The following FRAS1 variants were observed in gnomAD, a reference collection of about 807,000 sequenced individuals.
FRAS1 encodes the protein Fraser extracellular matrix complex subunit 1.
Under a neutral mutation model 435.2 loss-of-function variants are expected in FRAS1, and 290 were observed. That is an observed-to-expected ratio of 0.67 (90% confidence interval 0.61 to 0.73). FRAS1 has a LOEUF of 0.73. Ranked by LOEUF, FRAS1 falls within the 30% of genes least tolerant of loss-of-function variation. FRAS1 has a pLI of 0.00. For synonymous variants in FRAS1, 1,800 were observed against 1,851.0 expected (o/e 0.97, Z 0.71); for missense variants, 4,860 against 5,001.5 (o/e 0.97, Z 0.85).
Position 78,540,938 on chromosome 4 carries a change from G to A in FRAS1, c.11853G>A (p.Lys3951=), listed in dbSNP as rs756751640. Residue 3951 remains lysine, a synonymous_variant, in exon 74 of 74, where the codon AAG becomes AAA. Transcript: ENST00000512123. ...DILEEYPLNT[K]VEVPKRHPDR... is the part of the protein sequence containing the mutation. ...TGGAAGAATATCCTCTGAATACCAA[G>A]GTAGAAGTGCCCAAGAGGCACCCGG... The A allele has an allele frequency of 1.2e-6, 2 of 1,613,874 alleles. No homozygotes were observed. The highest frequency in any genetic ancestry group is 1.7e-6 in the Non-Finnish European group (2 of 1,179,910).
chr4:78,057,950 G>T lies in FRAS1; in HGVS notation c.-60G>T. The T allele has an allele frequency of 6.5e-7, 1 of 1,547,794 alleles. No homozygotes were observed. Among genetic ancestry groups the T allele is most frequent in the South Asian group, 1.1e-5 (1 of 88,836 alleles). The stretch of plus-strand genomic sequence containing the variant: ...TCCAAGCGCCGGAGCCAGCGTTTTG[G>T]CGGAGCCGCTTCTTGGATGCTGAAG... On this transcript the variant is annotated 5_prime_UTR_variant, in exon 1 of 74. Coordinates refer to ENST00000512123, the MANE Select transcript of FRAS1 (RefSeq NM_025074.7). The surrounding 1 kb of genome is among the most constrained non-coding windows in gnomAD (Gnocchi z 4.2).
chr4:78,542,266 C>T lies in FRAS1; in HGVS notation c.*1142C>T, dbSNP rs1416893699. Reference sequence around the variant, plus strand: ...TTTGAGGGGTTCTTTTCTGGTAGCTCAGGCAATTATTTTTACCATATCAGC... The same window carrying T: ...TTTGAGGGGTTCTTTTCTGGTAGCTTAGGCAATTATTTTTACCATATCAGC... On this transcript the variant is annotated 3_prime_UTR_variant, in exon 74 of 74. Transcript: ENST00000512123. 3.3e-5 allele frequency: 5 copies of T among 152,156 alleles called. No individual in the cohort carries two copies. Among genetic ancestry groups the T allele is most frequent in the Non-Finnish European group, 7.3e-5 (5 of 68,034 alleles). 9.4% of individuals were successfully genotyped at this position (152,156 alleles called of 1,614,324 possible).
intron 41 of FRAS1, among the ~76,000 whole-genome samples, chr4:78,442,704 C>T (rs1428711970): frequency 1.3e-5 from 2 of 152,186 alleles, no homozygotes; most frequent in Admixed American, 6.5e-5. Flanking sequence ...TTCAGCCTCT[C>T]TAAAAAGTGG....
intron 2 of FRAS1, among the ~76,000 whole-genome samples, chr4:78,197,802 G>A (rs1314445779): frequency 2.0e-5 from 3 of 152,034 alleles, no homozygotes; most frequent in East Asian, 1.9e-4. Context: ...TTAGCTGGGC[G>A]TGGTGGTGGG....
intron 2 of FRAS1, among the ~76,000 whole-genome samples, chr4:78,076,779 G>A (rs938145088): frequency 6.6e-6 from 1 of 152,154 alleles, no homozygotes; most frequent in African/African-American, 2.4e-5. Context: ...TAACTCAAGT[G>A]CATAGGAAAA....
At chr4:78,511,943 T>G (rs1350116193) in intron 64 of FRAS1, among the ~76,000 whole-genome samples, 1 of 152,210 alleles carries the variant, frequency 6.6e-6, no homozygotes, top group Non-Finnish European at 1.5e-5. Context: ...CTGGCACCTG[T>G]ATATGCTTCT....
rs571038474 is a variant in FRAS1 at position 78,101,582 on chromosome 4, C to A, written c.108+35566C>A. ...GGTAGTGAATTTTTTTCATTAGTTA[C>A]CTATGGCAGAAAATAGGAATTTTCT... On this transcript the variant is annotated intron_variant, in intron 2 of 73. Coordinates refer to ENST00000512123, the MANE Select transcript of FRAS1 (RefSeq NM_025074.7). 1.2e-4 allele frequency among the ~76,000 whole-genome samples: 18 copies of A among 152,126 alleles called. No homozygotes were observed. The East Asian group carries it at 3.5e-3, about 29-fold the overall frequency.
At chr4:78,308,307 A>G in intron 15 of FRAS1, 98 bp downstream of exon 15, 1 of 1,247,290 alleles carries the variant, frequency 8.0e-7, no homozygotes, top group African/African-American at 1.5e-5. Context: ...TGTTTCTTTT[A>G]CTCAACATAT....
chr4:78,157,143 A>G (rs1278877117), intron 2 of FRAS1, among the ~76,000 whole-genome samples: 1 of 152,174 alleles, frequency 6.6e-6, no homozygotes, highest in Non-Finnish European at 1.5e-5. Flanking sequence ...TACTGCTGCA[A>G]ATGACATGAT....
intron 2 of FRAS1, among the ~76,000 whole-genome samples, chr4:78,096,957 C>G (rs1006724317): frequency 1.8e-4 from 27 of 152,310 alleles, no homozygotes; most frequent in East Asian, 1.9e-4. Flanking sequence ...ATCGCATTGT[C>G]AGGCTGAAAA....
chr4:78,178,138 T>G (rs1226581788), intron 2 of FRAS1, among the ~76,000 whole-genome samples: 1 of 152,196 alleles, frequency 6.6e-6, no homozygotes, highest in East Asian at 1.9e-4. Flanking sequence ...CTTTAATCTC[T>G]GTCTCTGTCT....
At chr4:78,473,130 C>A (rs1211704615) in intron 52 of FRAS1, among the ~76,000 whole-genome samples, 1 of 152,098 alleles carries the variant, frequency 6.6e-6, no homozygotes, top group East Asian at 1.9e-4. Context: ...GATTTGCCAT[C>A]AACATTCACA....
intron 20 of FRAS1, among the ~76,000 whole-genome samples, chr4:78,342,023 C>G (rs971733655): frequency 6.6e-6 from 1 of 152,078 alleles, no homozygotes; most frequent in East Asian, 1.9e-4. Flanking sequence ...TATCTAAACT[C>G]AGGAAGGTGT....
At chr4:78,143,571 T>C (rs1395359853) in intron 2 of FRAS1, among the ~76,000 whole-genome samples, 2 of 152,080 alleles carry the variant, frequency 1.3e-5, no homozygotes, top group Non-Finnish European at 1.5e-5. Flanking sequence ...AATGAATGTA[T>C]GTCAGGCATA....
rs113756389 is a variant in FRAS1 at position 78,133,512 on chromosome 4, T to TA, written c.108+67507dup. Among the ~76,000 whole-genome samples, 342 of 147,110 alleles carry TA rather than the reference T, an allele frequency of 2.3e-3. 1 individual carries two copies. Among genetic ancestry groups the TA allele is most frequent in the African/African-American group, 7.0e-3 (283 of 40,318 alleles). On this transcript the variant is annotated intron_variant, in intron 2 of 73. Transcript: ENST00000512123. ...ATTTAATTGTGCATCTTAAAATAACTAAAAAAAAAAATTAGATTGTGTGTA... is the reference window on the plus strand; with the variant it reads ...ATTTAATTGTGCATCTTAAAATAACTAAAAAAAAAAAATTAGATTGTGTGTA...
At chr4:78,303,446 G>C (rs1728530578) in intron 14 of FRAS1, among the ~76,000 whole-genome samples, 1 of 152,108 alleles carries the variant, frequency 6.6e-6, no homozygotes, top group African/African-American at 2.4e-5. Flanking sequence ...AATTACGTTG[G>C]GCAGTATGGC....
intron 1 of FRAS1, among the ~76,000 whole-genome samples, chr4:78,064,320 T>A (rs1319176390): frequency 6.6e-6 from 1 of 151,448 alleles, no homozygotes; most frequent in Non-Finnish European, 1.5e-5. Context: ...TTTTTTCATA[T>A]GTACAGAAAT....
At chr4:78,355,759 T>G (rs1730827680) in intron 20 of FRAS1, among the ~76,000 whole-genome samples, 1 of 152,198 alleles carries the variant, frequency 6.6e-6, no homozygotes, top group African/African-American at 2.4e-5. Flanking sequence ...GAAATTGTTT[T>G]CAGTATCACC....
chr4:78,140,973 G>A (rs1720157627), intron 2 of FRAS1, among the ~76,000 whole-genome samples: 1 of 152,124 alleles, frequency 6.6e-6, no homozygotes, highest in Non-Finnish European at 1.5e-5. Flanking sequence ...TAAAAGGTGG[G>A]TGATGGGCTG....
Sources: gnomAD v4.1 joint callset for allele counts (sites outside exome capture counted in the v4.1 genomes callset) on GRCh38, gnomAD v4.1.1 for gene constraint, Gnocchi (gnomAD v3.1) non-coding constraint, MANE v1.5 for transcripts, NCBI Gene and HGNC (gene_info 2026-07-23, HGNC 2026-07-21) for gene names.